Variants in SHISA6 observed in about 807,000 individuals in gnomAD.
The protein encoded by SHISA6 is protein shisa-6.
Under a neutral mutation model 47.9 loss-of-function variants are expected in SHISA6, and 22 were observed. The ratio of observed to expected loss-of-function variants is 0.46; its 90% CI spans 0.33 to 0.66. The LOEUF is 0.66. SHISA6 is among the 30% of genes least tolerant of loss of function. The probability of loss-of-function intolerance (pLI) is 0.02; values close to 1 mark genes in which losing one functional copy is unlikely to be tolerated. For missense variants in SHISA6, 680 were observed against 764.6 expected (o/e 0.89, Z 1.30); for synonymous variants, 388 against 337.8 (o/e 1.15, Z -1.63).
intron 2 of SHISA6, among the ~76,000 whole-genome samples, chr17:11,370,117 G>C (rs1016448496): frequency 6.6e-6 from 1 of 152,172 alleles, no homozygotes; most frequent in African/African-American, 2.4e-5. Context: ...CTTGATGGCA[G>C]GGAGTAAGCA....
At chr17:11,311,900 C>T (rs935636620) in intron 2 of SHISA6, among the ~76,000 whole-genome samples, 2 of 151,968 alleles carry the variant, frequency 1.3e-5, no homozygotes, top group African/African-American at 2.4e-5. Context: ...CTCAGTGTCC[C>T]GAGTAGCTGG....
chr17:11,345,433 C>A (rs533061035), intron 2 of SHISA6, among the ~76,000 whole-genome samples: 2 of 152,036 alleles, frequency 1.3e-5, no homozygotes, highest in Non-Finnish European at 2.9e-5. Flanking sequence ...TAACTTTATT[C>A]TTTTACTTGA....
intron 3 of SHISA6, among the ~76,000 whole-genome samples, chr17:11,405,961 A>C (rs1166340385): frequency 6.6e-6 from 1 of 152,170 alleles, no homozygotes; most frequent in African/African-American, 2.4e-5. Context: ...TGCACTGCAT[A>C]TGTTTTTCCA....
At chr17:11,283,733 A>G (rs868229605) in intron 2 of SHISA6, among the ~76,000 whole-genome samples, 2 of 152,236 alleles carry the variant, frequency 1.3e-5, no homozygotes. Flanking sequence ...GAAGAAGCAT[A>G]TAATGAAAGT....
intron 3 of SHISA6, among the ~76,000 whole-genome samples, chr17:11,521,012 G>A (rs972511595): frequency 7.2e-5 from 11 of 152,166 alleles, no homozygotes; most frequent in African/African-American, 2.7e-4. Context: ...CAATGGACGC[G>A]CAATAAATAC....
intron 1 of SHISA6, among the ~76,000 whole-genome samples, chr17:11,251,913 C>T (rs528026781): frequency 4.6e-5 from 7 of 152,290 alleles, no homozygotes; most frequent in South Asian, 2.1e-4. Flanking sequence ...TGTCACAGGG[C>T]GGTGAGCAGC....
At chr17:11,354,946 G>C (rs1220183940) in intron 2 of SHISA6, among the ~76,000 whole-genome samples, 2 of 152,216 alleles carry the variant, frequency 1.3e-5, no homozygotes, top group Non-Finnish European at 2.9e-5. Flanking sequence ...AGCCAAGTAA[G>C]GTCGTGATTT....
chr17:11,516,263 C>T (rs75721474), intron 3 of SHISA6, among the ~76,000 whole-genome samples: 3,258 of 152,272 alleles, frequency 0.021, 52 homozygotes, highest in Non-Finnish European at 0.031. Context: ...CCCTGCCTAA[C>T]CGTTGGGGGC....
intron 2 of SHISA6, among the ~76,000 whole-genome samples, chr17:11,285,264 GGT>G (rs1909255562): frequency 6.6e-6 from 1 of 152,166 alleles, no homozygotes; most frequent in African/African-American, 2.4e-5. Flanking sequence ...CATCCCATTT[GGT>G]GTGTCAGACA....
chr17:11,393,653 C>G (rs183256343), intron 3 of SHISA6, among the ~76,000 whole-genome samples: 1 of 152,216 alleles, frequency 6.6e-6, no homozygotes, highest in East Asian at 1.9e-4. Flanking sequence ...CAGTGCTTGC[C>G]CATCATAAAA....
At chr17:11,277,262 T>A (rs1490437001) in intron 2 of SHISA6, among the ~76,000 whole-genome samples, 21 of 105,438 alleles carry the variant, frequency 2.0e-4, no homozygotes, top group Non-Finnish European at 3.7e-5. Context: ...TCTCTCTCTC[T>A]CTCTCTCTCT....
chr17:11,352,341 A>G (rs1441442324), intron 2 of SHISA6, among the ~76,000 whole-genome samples: 2 of 152,244 alleles, frequency 1.3e-5, no homozygotes, highest in Non-Finnish European at 2.9e-5. Context: ...GATGGTTAAC[A>G]GCTGCAAATA....
intron 3 of SHISA6, among the ~76,000 whole-genome samples, chr17:11,495,576 T>C (rs571146255): frequency 5.7e-4 from 86 of 152,184 alleles, no homozygotes; most frequent in African/African-American, 2.0e-3. Context: ...GTGTCCAGGG[T>C]TTCTTTCAAG....
At chr17:11,273,629 C>T (rs1398826849) in intron 2 of SHISA6, among the ~76,000 whole-genome samples, 1 of 152,242 alleles carries the variant, frequency 6.6e-6, no homozygotes, top group Admixed American at 6.5e-5. Flanking sequence ...GCTGACTGTC[C>T]ACGCCCTGGG....
chr17:11,500,973 G>A (rs922110716), intron 3 of SHISA6, among the ~76,000 whole-genome samples: 1 of 152,176 alleles, frequency 6.6e-6, no homozygotes, highest in Non-Finnish European at 1.5e-5. Context: ...GGTGTCATGA[G>A]TCCCTTCTTA....
At chr17:11,365,054 A>C (rs1366208261) in intron 2 of SHISA6, among the ~76,000 whole-genome samples, 2 of 152,160 alleles carry the variant, frequency 1.3e-5, no homozygotes, top group African/African-American at 4.8e-5. Context: ...CTATAATACA[A>C]AGGATATTCT....
chr17:11,428,513 G>A, intron 3 of SHISA6, among the ~76,000 whole-genome samples: 1 of 152,226 alleles, frequency 6.6e-6, no homozygotes, highest in Non-Finnish European at 1.5e-5. Context: ...GCAGGGATAT[G>A]TTCTACACAT....
At chr17:11,334,321 G>T (rs761064326) in intron 2 of SHISA6, among the ~76,000 whole-genome samples, 14 of 152,014 alleles carry the variant, frequency 9.2e-5, no homozygotes, top group Non-Finnish European at 1.8e-4. Context: ...ACTGGTTGAT[G>T]TAAGGAAAAA....
chr17:11,496,725 C>T (rs993345556), intron 3 of SHISA6, among the ~76,000 whole-genome samples: 9 of 143,480 alleles, frequency 6.3e-5, no homozygotes, highest in Admixed American at 1.5e-4. Flanking sequence ...GGTGACAGTG[C>T]GAGACTCCAT....
Sources: allele counts gnomAD v4.1 joint callset (sites outside exome capture counted in the v4.1 genomes callset), GRCh38; gene constraint gnomAD v4.1.1; transcripts MANE v1.5; gene names NCBI Gene and HGNC (gene_info 2026-07-23, HGNC 2026-07-21).